PPP2R2D: variants seen among roughly 807,000 people sequenced by gnomAD.
PPP2R2D encodes the protein serine/threonine-protein phosphatase 2A 55 kDa regulatory subunit B delta isoform.
Under a neutral mutation model 31.1 loss-of-function variants are expected in PPP2R2D, and 9 were observed. The observed-to-expected ratio is 0.29, with a 90% CI of 0.17 to 0.51. PPP2R2D has a LOEUF of 0.51. Ranked by LOEUF, PPP2R2D falls within the 20% of genes least tolerant of loss-of-function variation. PPP2R2D has a pLI of 0.98. For synonymous variants in PPP2R2D, 179 were observed against 172.6 expected, an observed-to-expected ratio of 1.04 and a Z score of -0.29; for missense variants, 391 against 465.6, an observed-to-expected ratio of 0.84 and a Z score of 1.48.
At chr10:131,964,358 T>C (rs572044339), downstream of PPP2R2D, among the ~76,000 whole-genome samples, 2 of 151,754 alleles carry the variant, frequency 1.3e-5, no homozygotes, top group South Asian at 2.1e-4. Flanking sequence ...TTGAGACAAA[T>C]AACCGTCACC....
At position 131,947,822 on chromosome 10, in the gene PPP2R2D, C is replaced by G. The variant is rs1039762319; in HGVS notation, c.1082+31C>G. The G allele has an allele frequency of 6.2e-7, 1 of 1,601,368 alleles. No homozygotes were observed. The highest frequency in any genetic ancestry group is 8.5e-7 in the Non-Finnish European group (1 of 1,170,416). On this transcript the variant is annotated intron_variant, in intron 8 of 8. Coordinates refer to ENST00000455566, the MANE Select transcript of PPP2R2D (RefSeq NM_018461.5). The surrounding 1 kb of genome is among the most constrained non-coding windows in gnomAD (Gnocchi z 4.3). ...GCCTGCGTGGAGATGAGCTGTCGCC[C>G]CAAGCTTGCTGGTTTCCGAGAGTGC... is the stretch of plus-strand genomic sequence containing the variant.
At position 131,955,680 on chromosome 10, in the gene PPP2R2D, A is replaced by G; in HGVS notation, c.1083-4A>G. 1 of 1,426,240 alleles carries G rather than the reference A, an allele frequency of 7.0e-7. No individual in the cohort carries two copies. Among genetic ancestry groups the G allele is most frequent in the Non-Finnish European group, 9.2e-7 (1 of 1,082,510 alleles). 88.3% of individuals were successfully genotyped at this position (1,426,240 alleles called of 1,614,324 possible). A position where few individuals can be genotyped will look rare whatever the true frequency, so the allele number is the denominator to read the frequency against. On this transcript the variant is annotated splice_region_variant and splice_polypyrimidine_tract_variant and intron_variant, in intron 8 of 8. Coordinates refer to ENST00000455566, the MANE Select transcript of PPP2R2D (RefSeq NM_018461.5). The stretch of plus-strand genomic sequence containing the variant: ...GTGCTGCTGTCTGCTCTTGTTTTGA[A>G]CAGCGCCATCATGACCGGGTCCTAT...
downstream of PPP2R2D, among the ~76,000 whole-genome samples, chr10:131,961,408 G>T (rs563327916): frequency 1.3e-5 from 2 of 152,148 alleles, no homozygotes; most frequent in Non-Finnish European, 2.9e-5. Context: ...TTTGGCTGCT[G>T]TGGGTGGCAA....
At chr10:131,963,843 C>T (rs1554901834), downstream of PPP2R2D, among the ~76,000 whole-genome samples, 1 of 152,200 alleles carries the variant, frequency 6.6e-6, no homozygotes, top group African/African-American at 2.4e-5. Flanking sequence ...ATGGTGTGTC[C>T]TGCAGCCTCA....
In PPP2R2D at chr10:131,947,716, G is replaced by T. The variant is rs193198132; in HGVS notation, c.1007G>T (p.Arg336Leu). ...VETHQVHEYL[R>L]SKLCSLYEND... Reference sequence around the variant, plus strand: ...ACCCACCAGGTCCACGAGTACCTGCGCAGCAAGCTCTGCTCTCTCTATGAG... The same window carrying T: ...ACCCACCAGGTCCACGAGTACCTGCTCAGCAAGCTCTGCTCTCTCTATGAG... The change falls in exon 8 of 9, where the codon CGC becomes CTC. Residue 336 changes from arginine (R) to leucine (L), a missense_variant. Physicochemically the swap from Arg to Leu is moderately radical, Grantham distance 102. Transcript: ENST00000455566. The surrounding 1 kb of genome is among the most constrained non-coding windows in gnomAD (Gnocchi z 4.3). 5.0e-6 allele frequency: 8 copies of T among 1,614,190 alleles called. No individual in the cohort carries two copies. The highest frequency in any genetic ancestry group is 6.8e-6 in the Non-Finnish European group (8 of 1,180,038).
In PPP2R2D at chr10:131,944,166, A is replaced by T. The variant is rs1554897587; in HGVS notation, c.655+21A>T. ...CTTTAGTATCCTTCCTCAGAGGGAC[A>T]CTGGCGTCTTCCCGAGGGTGCTCTT... On this transcript the variant is annotated intron_variant, in intron 6 of 8. Coordinates refer to ENST00000455566, the MANE Select transcript of PPP2R2D (RefSeq NM_018461.5). 3 of 1,594,522 alleles carry T rather than the reference A, an allele frequency of 1.9e-6. No homozygotes were observed. In the East Asian group the frequency reaches 6.7e-5, roughly 36 times the overall value.
At chr10:131,908,612 C>T (rs1003069028) in intron 2 of PPP2R2D, among the ~76,000 whole-genome samples, 20 of 152,350 alleles carry the variant, frequency 1.3e-4, no homozygotes, top group Admixed American at 1.1e-3. Context: ...CTTTTTCACC[C>T]TCTTCAGGCT....
chr10:131,932,669 C>CAAAAAAAAAAAAAAAAAAA (rs1180369012), intron 2 of PPP2R2D, among the ~76,000 whole-genome samples: 1 of 90,646 alleles, frequency 1.1e-5, no homozygotes, highest in African/African-American at 4.4e-5. Flanking sequence ...AAAAAAAAAA[C>CAAAAAAAAAAAAAAAAAAA]ACACAAAAAA....
intron 2 of PPP2R2D, among the ~76,000 whole-genome samples, chr10:131,924,530 C>G (rs1291900298): frequency 6.6e-6 from 1 of 152,084 alleles, no homozygotes; most frequent in Non-Finnish European, 1.5e-5. Flanking sequence ...GTCTATATGT[C>G]TGTCCTCATG....
At chr10:131,902,324 T>C (rs1228153774) in intron 2 of PPP2R2D, among the ~76,000 whole-genome samples, 2 of 152,144 alleles carry the variant, frequency 1.3e-5, no homozygotes, top group South Asian at 2.1e-4. Flanking sequence ...TAAAAGCCCC[T>C]TGTCAGACGT....
At chr10:131,932,662 AAAAAAAC>A (rs1272860239) in intron 2 of PPP2R2D, among the ~76,000 whole-genome samples, 2,439 of 149,410 alleles carry the variant, frequency 0.016, 88 homozygotes, top group African/African-American at 0.056. Context: ...AAAAAAAAAA[AAAAAAAC>A]ACACAAAAAA....
chr10:131,963,091 G>C (rs553801817), downstream of PPP2R2D, among the ~76,000 whole-genome samples: 17 of 152,288 alleles, frequency 1.1e-4, no homozygotes, highest in East Asian at 3.3e-3. Flanking sequence ...CTTGAACCCA[G>C]GAGGCGGAGG....
At chr10:131,935,415 G>C (rs140694342) in intron 3 of PPP2R2D, among the ~76,000 whole-genome samples, 370 of 152,268 alleles carry the variant, frequency 2.4e-3, no homozygotes, top group African/African-American at 8.2e-3. Flanking sequence ...TTTGTGTGAC[G>C]AACTTTGGTT....
intron 3 of PPP2R2D, among the ~76,000 whole-genome samples, chr10:131,937,805 C>T (rs542905363): frequency 2.0e-4 from 30 of 152,358 alleles, no homozygotes; most frequent in African/African-American, 7.2e-4. Context: ...TTCCACTTTT[C>T]TCCCTTGAAA....
intron 2 of PPP2R2D, among the ~76,000 whole-genome samples, chr10:131,904,774 G>C (rs1430930254): frequency 1.3e-5 from 2 of 152,190 alleles, no homozygotes; most frequent in African/African-American, 4.8e-5. Context: ...CCTGACTTCA[G>C]TGGGGTGATG....
downstream of PPP2R2D, chr10:131,959,876 G>A (rs1368797931): frequency 6.6e-6 from 1 of 152,226 alleles, no homozygotes; most frequent in Admixed American, 6.5e-5. Flanking sequence ...TCTTCCTCTA[G>A]AATGTATTTC....
rs782173532 is a variant in PPP2R2D at position 131,956,008 on chromosome 10, G to A, written c.*45G>A. On this transcript the variant is annotated 3_prime_UTR_variant, in exon 9 of 9. Coordinates refer to ENST00000455566, the MANE Select transcript of PPP2R2D (RefSeq NM_018461.5). ...AAGTCTTGTCTTGCATAGTTAAGCC[G>A]GACATTTTTCTGTCAGAGAAAAGGC... The A allele has an allele frequency of 3.0e-5, 41 of 1,384,648 alleles. No homozygotes were observed. The highest frequency in any genetic ancestry group is 2.2e-4 in the African/African-American group (15 of 68,188). 85.8% of individuals were successfully genotyped at this position (1,384,648 alleles called of 1,614,324 possible).
downstream of PPP2R2D, among the ~76,000 whole-genome samples, chr10:131,964,532 C>T (rs1554901939): frequency 6.6e-6 from 1 of 152,180 alleles, no homozygotes; most frequent in Non-Finnish European, 1.5e-5. Context: ...CGGCTTCGTG[C>T]TAGCCTTCCT....
intron 5 of PPP2R2D, among the ~76,000 whole-genome samples, chr10:131,942,118 C>T (rs781850081): frequency 6.6e-6 from 1 of 152,172 alleles, no homozygotes; most frequent in Non-Finnish European, 1.5e-5. Context: ...CCCCCTCCAG[C>T]CTTGTCCATC....
Sources: allele counts gnomAD v4.1 joint callset (sites outside exome capture counted in the v4.1 genomes callset), GRCh38; gene constraint gnomAD v4.1.1; non-coding constraint Gnocchi (gnomAD v3.1); transcripts MANE v1.5; gene names NCBI Gene and HGNC (gene_info 2026-07-23, HGNC 2026-07-21).